GATAD2A: variants seen among roughly 807,000 people sequenced by gnomAD.
The protein encoded by GATAD2A is GATA zinc finger domain containing 2A.
GATAD2A carries 12 observed loss-of-function variants against 68.5 expected under a neutral mutation model. That is an observed-to-expected ratio of 0.18 (90% CI 0.11 to 0.28). The LOEUF (loss-of-function observed/expected upper bound fraction) is 0.28, where lower values mean the gene tolerates loss of function less well. Ranked by LOEUF, GATAD2A falls within the 10% of genes least tolerant of loss-of-function variation. GATAD2A has a pLI of 1.00. For synonymous variants in GATAD2A, 410 were observed against 375.3 expected (o/e 1.09, Z -1.07); for missense variants, 755 against 868.5 (o/e 0.87, Z 1.64).
chr19:19,432,162 A>T (rs953390595), intron 1 of GATAD2A, among the ~76,000 whole-genome samples: 1 of 151,852 alleles, frequency 6.6e-6, no homozygotes, highest in African/African-American at 2.4e-5. Flanking sequence ...TTTAATAGGG[A>T]CAGGGTTTCT....
intron 1 of GATAD2A, among the ~76,000 whole-genome samples, chr19:19,434,854 C>T (rs1218190722): frequency 6.6e-6 from 1 of 152,174 alleles, no homozygotes; most frequent in East Asian, 1.9e-4. Flanking sequence ...TGGGGATGAC[C>T]ATGACCTTTG....
upstream of GATAD2A, among the ~76,000 whole-genome samples, chr19:19,404,704 CAG>C (rs542663760): frequency 1.7e-4 from 26 of 152,220 alleles, no homozygotes; most frequent in African/African-American, 6.0e-4. Flanking sequence ...AAAAAGAAAA[CAG>C]TACGTTGCAT....
intron 2 of GATAD2A, among the ~76,000 whole-genome samples, chr19:19,486,681 A>C (rs765874413): frequency 6.6e-6 from 1 of 152,164 alleles, no homozygotes; most frequent in Non-Finnish European, 1.5e-5. Flanking sequence ...GGTGGCTATG[A>C]GTGCTCTCAG....
At chr19:19,431,181 G>A (rs747544097) in intron 1 of GATAD2A, among the ~76,000 whole-genome samples, 1 of 151,766 alleles carries the variant, frequency 6.6e-6, no homozygotes, top group East Asian at 1.9e-4. Context: ...CAGCCAGTAC[G>A]GGGTGGATGG....
Position 19,494,361 on chromosome 19 carries a change from C to G in GATAD2A, c.602C>G (p.Pro201Arg). 6.2e-7 allele frequency: 1 copy of G among 1,610,634 alleles called. No homozygotes were observed. Among genetic ancestry groups the G allele is most frequent in the Non-Finnish European group, 8.5e-7 (1 of 1,176,940 alleles). ...PPLVRGTQNI[P>R]AGKPSLQTSS... is the part of the protein sequence containing the mutation. Reference sequence around the variant, plus strand: ...CTTGTTCGGGGCACTCAGAACATTCCTGCTGGCAAGCCATCACTCCAGGTC... The same window carrying G: ...CTTGTTCGGGGCACTCAGAACATTCGTGCTGGCAAGCCATCACTCCAGGTC... The change falls in exon 5 of 12, where the codon CCT becomes CGT. Residue 201 changes from proline to arginine, a missense_variant. Transcript: ENST00000683918.
chr19:19,500,490 G>A (rs903271119), intron 8 of GATAD2A, among the ~76,000 whole-genome samples: 3 of 151,354 alleles, frequency 2.0e-5, no homozygotes, highest in African/African-American at 7.3e-5. Flanking sequence ...CAGACCTCAC[G>A]CCCGAGCACA....
chr19:19,497,903 A>AGG (rs2060256567), intron 7 of GATAD2A, among the ~76,000 whole-genome samples: 1 of 152,116 alleles, frequency 6.6e-6, no homozygotes, highest in Admixed American at 6.6e-5. Flanking sequence ...GACTGGGTGG[A>AGG]GGGCAAGGGG....
intron 10 of GATAD2A, 22 bp downstream of exon 10, chr19:19,502,065 G>T: frequency 6.3e-7 from 1 of 1,583,066 alleles, no homozygotes; most frequent in African/African-American, 1.3e-5. Flanking sequence ...ACTGGGCGCC[G>T]GGAGCCTCGC....
chr19:19,392,202 C>T (rs1426783134), intron 1 of GATAD2A, among the ~76,000 whole-genome samples: 2 of 149,182 alleles, frequency 1.3e-5, no homozygotes, highest in Non-Finnish European at 3.0e-5. Flanking sequence ...CCTCCCACCT[C>T]AGCCTCTTGA....
At chr19:19,414,572 C>G (rs1392051243) in intron 1 of GATAD2A, among the ~76,000 whole-genome samples, 1 of 133,304 alleles carries the variant, frequency 7.5e-6, no homozygotes, top group Non-Finnish European at 1.6e-5. Context: ...GAGTCTTGCT[C>G]CATTGTCCAG....
chr19:19,435,214 A>C, intron 1 of GATAD2A: 1 of 479,644 alleles, frequency 2.1e-6, no homozygotes, highest in Non-Finnish European at 4.5e-6. Flanking sequence ...GTACCTATTA[A>C]ATGCTAGGTT....
rs1318301265 is a variant in GATAD2A at position 19,496,121 on chromosome 19, G to A, written c.826G>A (p.Val276Met). The change falls in exon 7 of 12, where the codon GTG becomes ATG. Residue 276 changes from valine to methionine, a missense_variant. Transcript: ENST00000683918. ...CCTCCTCCTGGCCCCCCGGGCGTCG[G>A]TGCCCAGTGTGCAGATTCAGGGACA... ...PPLLLAPRAS[V>M]PSVQIQGQRI... 2 of 1,613,488 alleles carry A rather than the reference G, an allele frequency of 1.2e-6. No homozygotes were observed. Among genetic ancestry groups the A allele is most frequent in the East Asian group, 2.2e-5 (1 of 44,896 alleles).
rs2144577975 is a variant in GATAD2A at position 19,505,879 on chromosome 19, T to C, written c.*405T>C. On this transcript the variant is annotated 3_prime_UTR_variant, in exon 12 of 12. Transcript: ENST00000683918. ...ATGGGCAAGGCCAGCGCCCGGGGCT[T>C]CTGAACCGAGCGGGGTGTTTCATTT... is the stretch of plus-strand genomic sequence containing the variant. 1 of 400,504 alleles carries C rather than the reference T, an allele frequency of 2.5e-6. No individual in the cohort carries two copies. Among genetic ancestry groups the C allele is most frequent in the East Asian group, 3.6e-5 (1 of 28,074 alleles). 24.8% of individuals were successfully genotyped at this position (400,504 alleles called of 1,614,324 possible). A position where few individuals can be genotyped will look rare whatever the true frequency, so the allele number is the denominator to read the frequency against.
chr19:19,447,654 A>G (rs574584070), intron 1 of GATAD2A, among the ~76,000 whole-genome samples: 34 of 152,326 alleles, frequency 2.2e-4, no homozygotes, highest in African/African-American at 6.5e-4. Context: ...GAGAGCAGAT[A>G]GTTTGTTTCA....
intron 1 of GATAD2A, among the ~76,000 whole-genome samples, chr19:19,411,603 G>C (rs2050929751): frequency 6.6e-6 from 1 of 152,204 alleles, no homozygotes; most frequent in Non-Finnish European, 1.5e-5. Context: ...GACAGATCTG[G>C]CTTTGTCACT....
intron 1 of GATAD2A, among the ~76,000 whole-genome samples, chr19:19,425,741 C>G (rs964141978): frequency 3.9e-5 from 6 of 151,974 alleles, no homozygotes; most frequent in African/African-American, 1.5e-4. Flanking sequence ...TATAGGCAGG[C>G]TTGGAGCTCA....
At chr19:19,452,121 TTAAC>T (rs1264899100) in intron 1 of GATAD2A, among the ~76,000 whole-genome samples, 5 of 152,374 alleles carry the variant, frequency 3.3e-5, no homozygotes, top group Admixed American at 2.6e-4. Flanking sequence ...TGCTCTGTGT[TTAAC>T]TAGTGTATAC....
At chr19:19,473,636 C>G (rs141764785) in intron 2 of GATAD2A, among the ~76,000 whole-genome samples, 3 of 152,148 alleles carry the variant, frequency 2.0e-5, no homozygotes, top group African/African-American at 7.2e-5. Flanking sequence ...CATGCGTGCC[C>G]ATCATTAAAA....
chr19:19,449,453 T>C (rs1257534403), intron 1 of GATAD2A, among the ~76,000 whole-genome samples: 1 of 152,196 alleles, frequency 6.6e-6, no homozygotes, highest in African/African-American at 2.4e-5. Context: ...GCCTCCCTAG[T>C]AGCTGGAACT....
Sources: gnomAD v4.1 joint callset for allele counts (sites outside exome capture counted in the v4.1 genomes callset) on GRCh38, gnomAD v4.1.1 for gene constraint, MANE v1.5 for transcripts, NCBI Gene and HGNC (gene_info 2026-07-23, HGNC 2026-07-21) for gene names.